The following PRR13 variants were observed in gnomAD, a reference collection of about 807,000 sequenced individuals.
The protein encoded by PRR13 is proline rich 13.
In PRR13, 7 loss-of-function variants were observed where a neutral mutation model predicts 11.5. The observed-to-expected ratio is 0.61, with a 90% confidence interval of 0.34 to 1.14. The LOEUF is 1.14. Ranked by LOEUF, PRR13 falls within the 50% of genes most tolerant of loss-of-function variation. PRR13 has a pLI of 0.03. For missense variants in PRR13, 155 were observed against 194.4 expected, an observed-to-expected ratio of 0.80 and a Z score of 1.21; for synonymous variants, 53 against 67.8, an observed-to-expected ratio of 0.78 and a Z score of 1.07.
At chr12:53,444,530 C>T (rs571894692) in intron 3 of PRR13, among the ~76,000 whole-genome samples, 17 of 152,130 alleles carry the variant, frequency 1.1e-4, no homozygotes, top group Non-Finnish European at 2.2e-4. Flanking sequence ...GGGGTTTCAC[C>T]GTGTTAGCCA....
At chr12:53,445,346 TAA>T (rs4020479) in intron 3 of PRR13, among the ~76,000 whole-genome samples, 42 of 106,584 alleles carry the variant, frequency 3.9e-4, no homozygotes, top group Non-Finnish European at 4.6e-4. Flanking sequence ...AAACTCCGTC[TAA>T]AAAAAAAAAA....
Position 53,444,572 on chromosome 12 carries a change from G to C in PRR13, c.402+799G>C, listed in dbSNP as rs993300448. On this transcript the variant is annotated intron_variant, in intron 3 of 3. Coordinates refer to ENST00000429243, the MANE Select transcript of PRR13 (RefSeq NM_018457.4). ...TCTCGATCTCCTGACCTTGTGATCC[G>C]CCCGCCTTGGCCTCCCAAAGTGCTG... is the stretch of plus-strand genomic sequence containing the variant. 9.9e-5 allele frequency among the ~76,000 whole-genome samples: 15 copies of C among 152,156 alleles called. 1 individual carries two copies. Among genetic ancestry groups the C allele is most frequent in the Admixed American group, 3.3e-4 (5 of 15,288 alleles).
At chr12:53,442,825 C>G in intron 2 of PRR13, 92 bp downstream of exon 2, 2 of 1,370,548 alleles carry the variant, frequency 1.5e-6, no homozygotes, top group Non-Finnish European at 2.1e-6. Flanking sequence ...TACCCCCGAC[C>G]TGCTGTACCC....
In PRR13 at chr12:53,442,690, C is replaced by A; in HGVS notation, c.-20-5C>A. The A allele has an allele frequency of 6.2e-7, 1 of 1,606,650 alleles. No individual in the cohort carries two copies. The stretch of plus-strand genomic sequence containing the variant: ...ATCTTTTTTGCCTCATTTCTTTCTC[C>A]TCAGGCTGGAGGACACACCTAAACA... On this transcript the variant is annotated splice_region_variant and splice_polypyrimidine_tract_variant and intron_variant, in intron 1 of 3. Coordinates refer to ENST00000429243, the MANE Select transcript of PRR13 (RefSeq NM_018457.4).
intron 3 of PRR13, among the ~76,000 whole-genome samples, chr12:53,445,081 G>T (rs530772302): frequency 6.6e-6 from 1 of 152,120 alleles, no homozygotes; most frequent in Non-Finnish European, 1.5e-5. Flanking sequence ...GCTGTGCGCC[G>T]TGGTCCACAC....
rs1198095126 is a variant in PRR13, at chr12:53,443,758, C to T, written c.387C>T (p.Tyr129=). The change falls in exon 3 of 4, where the codon TAC becomes TAT. Residue 129 remains tyrosine (Y), a synonymous_variant. Transcript: ENST00000429243. The stretch of plus-strand genomic sequence containing the variant: ...ACAAGCACCAAAAGCACCACAAGTA[C>T]CACAAGCATGGCAAGGTCAGTACCC... The part of the protein sequence containing the change: ...KMHKHQKHHK[Y]HKHGKHSSSS... 5 of 1,606,248 alleles carry T rather than the reference C, an allele frequency of 3.1e-6. No individual in the cohort carries two copies. Among genetic ancestry groups the T allele is most frequent in the Non-Finnish European group, 4.3e-6 (5 of 1,176,138 alleles).
chr12:53,442,861 G>GC, intron 2 of PRR13, 128 bp downstream of exon 2: 3 of 771,194 alleles, frequency 3.9e-6, no homozygotes, highest in South Asian at 4.4e-5. Flanking sequence ...TTAGTCTAGA[G>GC]CTGACCAGTG....
intron 3 of PRR13, among the ~76,000 whole-genome samples, chr12:53,445,364 A>AT (rs141408345): frequency 4.0e-5 from 6 of 150,484 alleles, no homozygotes; most frequent in Admixed American, 1.3e-4. Context: ...AAAAAAAAAA[A>AT]GGTCTGAAGA....
intron 3 of PRR13, 196 bp downstream of exon 3, chr12:53,443,969 T>G: frequency 2.7e-6 from 2 of 743,074 alleles, no homozygotes; most frequent in Non-Finnish European, 4.3e-6. Context: ...AACATCAGGC[T>G]TCTCCTATCT....
At chr12:53,442,788 A>C (rs1940320212) in intron 2 of PRR13, 55 bp downstream of exon 2, 2 of 1,560,708 alleles carry the variant, frequency 1.3e-6, no homozygotes, top group African/African-American at 2.7e-5. Context: ...TGGGCTCTAT[A>C]ACAGGAAGTT....
At chr12:53,443,332 T>C in intron 2 of PRR13, 59 bp from the exon 3 acceptor site, 13 of 1,304,346 alleles carry the variant, frequency 1.0e-5, no homozygotes, top group Non-Finnish European at 1.3e-5. Flanking sequence ...TTTCTTTTTG[T>C]TGTTTGTTGT....
At chr12:53,442,563 G>A in intron 1 of PRR13, 132 bp from the exon 2 acceptor site, 1 of 749,294 alleles carries the variant, frequency 1.3e-6, no homozygotes, top group Non-Finnish European at 2.3e-6. Flanking sequence ...CATTTCTTAT[G>A]TGGAAGTTGT....
chr12:53,445,935 C>T (rs1466995331), intron 3 of PRR13, 80 bp from the exon 4 acceptor site: 2 of 1,609,106 alleles, frequency 1.2e-6, no homozygotes, highest in African/African-American at 2.7e-5. Context: ...GGTGGGGCAC[C>T]AAAGAATGGC....
chr12:53,444,034 T>C (rs1940350902), intron 3 of PRR13: 4 of 517,934 alleles, frequency 7.7e-6, no homozygotes, highest in Non-Finnish European at 1.3e-5. Flanking sequence ...GCCAAATCTT[T>C]TCTGCCCTAC....
intron 3 of PRR13, chr12:53,443,976 A>G (rs917620244): frequency 2.8e-6 from 2 of 708,054 alleles, no homozygotes; most frequent in African/African-American, 3.6e-5. Context: ...GGCTTCTCCT[A>G]TCTGGGGGGA....
chr12:53,444,476 C>A (rs537237674), intron 3 of PRR13, among the ~76,000 whole-genome samples: 42 of 152,158 alleles, frequency 2.8e-4, no homozygotes, highest in African/African-American at 1.0e-3. Context: ...ACTACAGGCG[C>A]CCGCCACCGC....
intron 3 of PRR13, among the ~76,000 whole-genome samples, chr12:53,444,385 A>C (rs1940360586): frequency 6.8e-6 from 1 of 146,788 alleles, no homozygotes. Flanking sequence ...GCCAGATTGC[A>C]GTGGCACAAT....
At position 53,444,135 on chromosome 12, in the gene PRR13, C is replaced by G. The variant is rs941925982; in HGVS notation, c.402+362C>G. ...CATTGTCAAAATACCAAAGTCATTC[C>G]TTTGACAAAGCAAGGTCTTATAATA... On this transcript the variant is annotated intron_variant, in intron 3 of 3. Transcript: ENST00000429243. 23 of 386,412 alleles carry G rather than the reference C, an allele frequency of 6.0e-5. No homozygotes were observed. In the South Asian group the frequency reaches 1.9e-3, roughly 32 times the overall value. 23.9% of individuals were successfully genotyped at this position (386,412 alleles called of 1,614,324 possible).
At position 53,441,799 on chromosome 12, in the gene PRR13, G is replaced by T. The variant is rs1209199089; in HGVS notation, c.-21+7G>T. On this transcript the variant is annotated splice_region_variant and intron_variant, in intron 1 of 3. Coordinates refer to ENST00000429243, the MANE Select transcript of PRR13 (RefSeq NM_018457.4). Reference sequence around the variant, plus strand: ...CCCAGGCGGCGGTGGAAAGGTGATGGGGTATCTGGATTCCATAGGTTTTTC... The same window carrying T: ...CCCAGGCGGCGGTGGAAAGGTGATGTGGTATCTGGATTCCATAGGTTTTTC... The T allele has an allele frequency of 1.4e-6, 1 of 702,326 alleles. No homozygotes were observed. The highest frequency in any genetic ancestry group is 2.6e-6 in the Non-Finnish European group (1 of 384,822). The allele number at this position is 702,326 out of a possible 1,614,324, so 43.5% of individuals were successfully genotyped here.
Sources: gnomAD v4.1 joint callset for allele counts (sites outside exome capture counted in the v4.1 genomes callset) on GRCh38, gnomAD v4.1.1 for gene constraint, MANE v1.5 for transcripts, NCBI Gene and HGNC (gene_info 2026-07-23, HGNC 2026-07-21) for gene names.